The following ERBB4 variants were observed in gnomAD, a reference collection of about 807,000 sequenced individuals.
ERBB4 encodes erb-b2 receptor tyrosine kinase 4, also known as receptor tyrosine-protein kinase erbB-4.
ERBB4 carries 42 observed loss-of-function variants against 158.0 expected under a neutral mutation model. The observed-to-expected ratio is 0.27, with a 90% CI of 0.21 to 0.34. The LOEUF is 0.34. Among genes scored for constraint, ERBB4 ranks in the 10% least tolerant of loss-of-function variants. The pLI is 1.00. For synonymous variants in ERBB4, 583 were observed against 558.7 expected, an observed-to-expected ratio of 1.04 and a Z score of -0.61; for missense variants, 1,333 against 1,624.1, an observed-to-expected ratio of 0.82 and a Z score of 3.08.
chr2:212,456,516 T>G (rs1403372930), intron 1 of ERBB4, among the ~76,000 whole-genome samples: 3 of 151,806 alleles, frequency 2.0e-5, no homozygotes, highest in Admixed American at 1.3e-4. Context: ...AGACTGAGTC[T>G]GCTGTTTATA....
At chr2:211,727,366 C>G (rs1002002534) in intron 5 of ERBB4, among the ~76,000 whole-genome samples, 8 of 152,118 alleles carry the variant, frequency 5.3e-5, no homozygotes, top group Middle Eastern at 3.4e-3. Context: ...TACCTCACCC[C>G]AACTAACCTA....
intron 27 of ERBB4, among the ~76,000 whole-genome samples, chr2:211,385,368 A>G (rs1442478025): frequency 1.3e-5 from 2 of 152,176 alleles, no homozygotes; most frequent in Non-Finnish European, 2.9e-5. Flanking sequence ...TGATGTGTGC[A>G]GGATACAATT....
At chr2:211,552,957 A>G (rs1178020222) in intron 20 of ERBB4, among the ~76,000 whole-genome samples, 3 of 148,414 alleles carry the variant, frequency 2.0e-5, no homozygotes, top group African/African-American at 7.6e-5. Context: ...CATGTTTTCA[A>G]TATTACAAAT....
At chr2:211,664,710 T>A (rs902965597) in intron 15 of ERBB4, among the ~76,000 whole-genome samples, 8 of 145,800 alleles carry the variant, frequency 5.5e-5, no homozygotes, top group Non-Finnish European at 9.1e-5. Flanking sequence ...AGAAAAAAAA[T>A]TTACCAAGCT....
chr2:212,462,926 A>T (rs1352771965), intron 1 of ERBB4, among the ~76,000 whole-genome samples: 1 of 152,162 alleles, frequency 6.6e-6, no homozygotes, highest in South Asian at 2.1e-4. Context: ...TCAGCCATAA[A>T]AAAGAATGAA....
chr2:211,838,970 T>A (rs914139578), intron 3 of ERBB4, among the ~76,000 whole-genome samples: 3 of 152,158 alleles, frequency 2.0e-5, no homozygotes, highest in Non-Finnish European at 4.4e-5. Context: ...CAGAAATGAT[T>A]TACCAACTGA....
At chr2:212,254,827 T>C (rs969634415) in intron 1 of ERBB4, among the ~76,000 whole-genome samples, 1 of 152,158 alleles carries the variant, frequency 6.6e-6, no homozygotes, top group Non-Finnish European at 1.5e-5. Flanking sequence ...TCTAGATGGC[T>C]AGTTATACAA....
chr2:212,152,333 C>T (rs913493217), intron 1 of ERBB4, among the ~76,000 whole-genome samples: 2 of 152,104 alleles, frequency 1.3e-5, no homozygotes, highest in Non-Finnish European at 2.9e-5. Context: ...AAATATTCTA[C>T]ATAAAGTAGT....
At chr2:211,595,785 C>A (rs905662733) in intron 19 of ERBB4, among the ~76,000 whole-genome samples, 7 of 152,120 alleles carry the variant, frequency 4.6e-5, no homozygotes, top group Non-Finnish European at 8.8e-5. Context: ...TGCTGAGAAG[C>A]AAATCATGCA....
chr2:211,839,869 G>A (rs2077432261), intron 3 of ERBB4, among the ~76,000 whole-genome samples: 3 of 152,136 alleles, frequency 2.0e-5, no homozygotes, highest in Middle Eastern at 3.4e-3. Context: ...AAAACAAAAT[G>A]TTAAAAGTTC....
intron 16 of ERBB4, among the ~76,000 whole-genome samples, chr2:211,634,651 C>A (rs1232537506): frequency 6.6e-6 from 1 of 152,004 alleles, no homozygotes; most frequent in Admixed American, 6.6e-5. Context: ...ACCAACCAAC[C>A]TGTTTCTGAG....
chr2:211,667,642 T>C (rs2071680984), intron 14 of ERBB4, among the ~76,000 whole-genome samples: 1 of 152,294 alleles, frequency 6.6e-6, no homozygotes, highest in African/African-American at 2.4e-5. Context: ...CCATGACTTA[T>C]TGTACAAGAC....
At chr2:211,601,404 C>T (rs1362339546) in intron 19 of ERBB4, among the ~76,000 whole-genome samples, 1 of 151,338 alleles carries the variant, frequency 6.6e-6, no homozygotes, top group Non-Finnish European at 1.5e-5. Flanking sequence ...GGGGTGGGGA[C>T]GGGAATCCCC....
In ERBB4 at chr2:212,356,241, C is replaced by G. The variant is rs566934352; in HGVS notation, c.82+182208G>C. ...TTGGAGGGGGCAGTCAACCATGTTG[C>G]TGTACTGATCCTCACACAACTACAG... On this transcript the variant is annotated intron_variant, in intron 1 of 27. Coordinates refer to ENST00000342788, the MANE Select transcript of ERBB4 (RefSeq NM_005235.3). Among the ~76,000 whole-genome samples the G allele has an allele frequency of 5.3e-5, 8 of 152,068 alleles. No homozygotes were observed. In the South Asian group the frequency reaches 1.7e-3, roughly 32 times the overall value.
rs200527371 is a variant in ERBB4, at chr2:212,538,441, G to T, written c.82+8C>A. On this transcript the variant is annotated splice_region_variant and intron_variant, in intron 1 of 27. Coordinates refer to ENST00000342788, the MANE Select transcript of ERBB4 (RefSeq NM_005235.3). ...GGTTCGGCGACCGGAGTGCCAGAAG[G>T]AACCCACCTGACTGAGAATCGCTGG... The T allele has an allele frequency of 2.6e-5, 42 of 1,613,624 alleles. No individual in the cohort carries two copies. The African/African-American group carries it at 4.9e-4, about 19-fold the overall frequency.
intron 1 of ERBB4, among the ~76,000 whole-genome samples, chr2:212,128,137 T>C (rs990072932): frequency 1.3e-5 from 2 of 152,194 alleles, no homozygotes; most frequent in Non-Finnish European, 2.9e-5. Flanking sequence ...CTGGAATTCA[T>C]TTATTGCCTT....
intron 1 of ERBB4, among the ~76,000 whole-genome samples, chr2:212,317,184 C>G (rs2087325123): frequency 6.6e-6 from 1 of 151,174 alleles, no homozygotes; most frequent in South Asian, 2.1e-4. Flanking sequence ...TTTTTTCCAA[C>G]TAATAGAAAA....
At chr2:212,430,438 T>G (rs570291313) in intron 1 of ERBB4, among the ~76,000 whole-genome samples, 14 of 144,436 alleles carry the variant, frequency 9.7e-5, no homozygotes, top group African/African-American at 3.5e-4. Context: ...GCATGTTGGT[T>G]TTTTTTTTTT....
rs566677480 is a variant in ERBB4 at position 212,458,967 on chromosome 2, A to G, written c.82+79482T>C. On this transcript the variant is annotated intron_variant, in intron 1 of 27. Coordinates refer to ENST00000342788, the MANE Select transcript of ERBB4 (RefSeq NM_005235.3). ...ATAGCTGAGAATGAATGAATGAGTTACATTCATTCTTACCATTAGACATTT... is the reference window on the plus strand; with the variant it reads ...ATAGCTGAGAATGAATGAATGAGTTGCATTCATTCTTACCATTAGACATTT... Among the ~76,000 whole-genome samples the G allele has an allele frequency of 2.0e-5, 3 of 152,310 alleles. No individual in the cohort carries two copies. The South Asian group carries it at 6.2e-4, about 32-fold the overall frequency.
Sources: allele counts gnomAD v4.1 joint callset (sites outside exome capture counted in the v4.1 genomes callset), GRCh38; gene constraint gnomAD v4.1.1; transcripts MANE v1.5; gene names NCBI Gene and HGNC (gene_info 2026-07-23, HGNC 2026-07-21).